The following GATAD2B variants were observed in gnomAD, a reference collection of about 807,000 sequenced individuals.
GATAD2B encodes GATA zinc finger domain containing 2B, also known as transcriptional repressor p66-beta.
Under a neutral mutation model 64.3 loss-of-function variants are expected in GATAD2B, and 8 were observed. That is an observed-to-expected ratio of 0.12 (90% CI 0.07 to 0.22). GATAD2B has a LOEUF of 0.22. Ranked by LOEUF, GATAD2B falls within the 10% of genes least tolerant of loss-of-function variation. The pLI, the probability that GATAD2B is intolerant of heterozygous loss-of-function variation, is 1.00. For synonymous variants in GATAD2B, 281 were observed against 271.3 expected (o/e 1.04, Z -0.35); for missense variants, 453 against 752.0 (o/e 0.60, Z 4.65).
In GATAD2B at chr1:153,845,550, A is replaced by G. The variant is rs143876212; in HGVS notation, c.-1-17202T>C. Among the ~76,000 whole-genome samples the G allele has an allele frequency of 4.2e-3, 632 of 151,936 alleles. 4 individuals carry two copies. The highest frequency in any genetic ancestry group is 0.014 in the African/African-American group (600 of 41,434). ...CCCATGAGCTCAGGAGTTCAAGACC[A>G]GCCTGGGCAACATGACAAAACCCCA... is the stretch of plus-strand genomic sequence containing the variant. On this transcript the variant is annotated intron_variant, in intron 1 of 10. Coordinates refer to ENST00000368655, the MANE Select transcript of GATAD2B (RefSeq NM_020699.4).
chr1:153,909,188 G>C (rs530552468), intron 1 of GATAD2B, among the ~76,000 whole-genome samples: 1 of 152,124 alleles, frequency 6.6e-6, no homozygotes, highest in Admixed American at 6.6e-5. Flanking sequence ...CTGGGCAAGA[G>C]AGCAAAATCT....
At chr1:153,880,364 G>A (rs969759445) in intron 1 of GATAD2B, among the ~76,000 whole-genome samples, 2 of 151,982 alleles carry the variant, frequency 1.3e-5, no homozygotes, top group African/African-American at 2.4e-5. Flanking sequence ...CTTCTCGGGA[G>A]GCAGAGGCAC....
chr1:153,818,875 A>G lies in GATAD2B; in HGVS notation c.513T>C (p.Asp171=). ...GTCGGGCTTCTTCCAATCGTAGCTC[A>G]TCCCTCAGCTGCTTGATAAGCTGCT... ...ERQQLIKQLR[D]ELRLEEARLV... is the part of the protein sequence containing the mutation. Residue 171 remains aspartate (D), a synonymous_variant, in exon 4 of 11, where the codon GAT becomes GAC. Transcript: ENST00000368655. The G allele has an allele frequency of 6.2e-7, 1 of 1,611,526 alleles. No homozygotes were observed. Among genetic ancestry groups the G allele is most frequent in the South Asian group, 1.1e-5 (1 of 91,060 alleles).
intron 1 of GATAD2B, among the ~76,000 whole-genome samples, chr1:153,851,535 A>G (rs964253793): frequency 6.6e-6 from 1 of 152,084 alleles, no homozygotes; most frequent in Non-Finnish European, 1.5e-5. Flanking sequence ...GATGATTAGC[A>G]ATGTTGAGCA....
intron 1 of GATAD2B, among the ~76,000 whole-genome samples, chr1:153,913,278 T>C (rs924379275): frequency 2.6e-5 from 4 of 152,050 alleles, no homozygotes; most frequent in Admixed American, 6.6e-5. Flanking sequence ...ACATATAAAC[T>C]TTTAAAGGAC....
In GATAD2B at chr1:153,902,257, G is replaced by C. The variant is rs540254308; in HGVS notation, c.-2+20476C>G. On this transcript the variant is annotated intron_variant, in intron 1 of 10. Transcript: ENST00000368655. ...GATTGCGCCACTGCGCTCCAGCCTG[G>C]GCAACAAGAGCGAAACTCCATCTCA... Among the ~76,000 whole-genome samples the C allele has an allele frequency of 1.6e-3, 243 of 151,912 alleles. 2 individuals are homozygous for C. Among genetic ancestry groups the C allele is most frequent in the African/African-American group, 5.2e-3 (214 of 41,422 alleles).
chr1:153,856,765 AAAAAG>A (rs1160342575), intron 1 of GATAD2B, among the ~76,000 whole-genome samples: 1 of 152,076 alleles, frequency 6.6e-6, no homozygotes, highest in Non-Finnish European at 1.5e-5. Flanking sequence ...ACTAACCAAA[AAAAAG>A]AAAGAAAGAA....
chr1:153,881,926 C>T (rs2101940420), intron 1 of GATAD2B, among the ~76,000 whole-genome samples: 1 of 152,122 alleles, frequency 6.6e-6, no homozygotes, highest in East Asian at 1.9e-4. Context: ...CTTGAGAGCC[C>T]TGCACAAACC....
At chr1:153,920,333 G>A (rs1185563312) in intron 1 of GATAD2B, among the ~76,000 whole-genome samples, 7 of 152,310 alleles carry the variant, frequency 4.6e-5, no homozygotes, top group African/African-American at 1.7e-4. Flanking sequence ...GGCAAAAAAA[G>A]GGGAGAAGGG....
chr1:153,855,903 G>A (rs58962440), intron 1 of GATAD2B, among the ~76,000 whole-genome samples: 4,791 of 151,890 alleles, frequency 0.032, 254 homozygotes, highest in African/African-American at 0.11. Context: ...GGCTGGTCTC[G>A]AACTCCTGGC....
chr1:153,839,108 CAAAAAAAAAAA>C lies in GATAD2B; in HGVS notation c.-1-10771_-1-10761del, dbSNP rs35262137. On this transcript the variant is annotated intron_variant, in intron 1 of 10. Coordinates refer to ENST00000368655, the MANE Select transcript of GATAD2B (RefSeq NM_020699.4). ...TGGGTGACAGAACGAGACCCTGTCTCAAAAAAAAAAAAAAAAAAAAAAAAAAGAAAGTTTAA... is the reference window on the plus strand; with the variant it reads ...TGGGTGACAGAACGAGACCCTGTCTCAAAAAAAAAAAAAAAGAAAGTTTAA... 1.6e-3 allele frequency among the ~76,000 whole-genome samples: 127 copies of C among 78,576 alleles called. 2 individuals carry two copies. The highest frequency in any genetic ancestry group is 5.8e-3 in the East Asian group (12 of 2,078). 51.5% of individuals were successfully genotyped at this position (78,576 alleles called of 152,430 possible).
At chr1:153,836,548 G>A (rs1457325755) in intron 1 of GATAD2B, among the ~76,000 whole-genome samples, 5 of 51,494 alleles carry the variant, frequency 9.7e-5, no homozygotes, top group Non-Finnish European at 3.4e-4. Flanking sequence ...ACTGCACCCA[G>A]CCTAAAAAAG....
chr1:153,854,774 AGAC>A (rs1163200501), intron 1 of GATAD2B, among the ~76,000 whole-genome samples: 1 of 152,226 alleles, frequency 6.6e-6, no homozygotes, highest in African/African-American at 2.4e-5. Context: ...ATAACTCCAC[AGAC>A]GACTAATTGC....
intron 1 of GATAD2B, among the ~76,000 whole-genome samples, chr1:153,851,174 C>A (rs994795385): frequency 3.3e-5 from 5 of 152,134 alleles, no homozygotes; most frequent in Non-Finnish European, 7.4e-5. Context: ...TGACTAGATA[C>A]CTCACATAAG....
intron 2 of GATAD2B, among the ~76,000 whole-genome samples, chr1:153,826,910 A>T (rs2101890340): frequency 6.6e-6 from 1 of 151,442 alleles, no homozygotes; most frequent in East Asian, 1.9e-4. Flanking sequence ...TACTGCACTC[A>T]AGACTGTGTG....
intron 1 of GATAD2B, among the ~76,000 whole-genome samples, chr1:153,910,186 C>T (rs1193173471): frequency 6.6e-6 from 1 of 152,108 alleles, no homozygotes; most frequent in East Asian, 1.9e-4. Context: ...TTCTAAAATA[C>T]TGCCTAAAAA....
rs1476462965 is a variant in GATAD2B at position 153,807,046 on chromosome 1, A to G, written c.*3131T>C. 2.0e-5 allele frequency: 3 copies of G among 152,202 alleles called. No individual in the cohort carries two copies. The highest frequency in any genetic ancestry group is 1.3e-4 in the Admixed American group (2 of 15,282). The allele number at this position is 152,202 out of a possible 1,614,324, so 9.4% of individuals were successfully genotyped here. A position where few individuals can be genotyped will look rare whatever the true frequency, so the allele number is the denominator to read the frequency against. ...AGTTCAGATGCTGTGGTCAAATTATAAAATAAAATCGACAAATAAGAACCT... is the reference window on the plus strand; with the variant it reads ...AGTTCAGATGCTGTGGTCAAATTATGAAATAAAATCGACAAATAAGAACCT... On this transcript the variant is annotated 3_prime_UTR_variant, in exon 11 of 11. Coordinates refer to ENST00000368655, the MANE Select transcript of GATAD2B (RefSeq NM_020699.4).
intron 1 of GATAD2B, among the ~76,000 whole-genome samples, chr1:153,828,702 G>C (rs1316333208): frequency 6.7e-6 from 1 of 150,200 alleles, no homozygotes; most frequent in Non-Finnish European, 1.5e-5. Flanking sequence ...GGGTACATGT[G>C]CAGGTTTGTT....
rs1674470012 is a variant in GATAD2B at position 153,816,059 on chromosome 1, A to ACACACACACAC, written c.1216+213_1216+214insGTGTGTGTGTG. Among the ~76,000 whole-genome samples, 2 of 141,792 alleles carry ACACACACACAC rather than the reference A, an allele frequency of 1.4e-5. No homozygotes were observed. The highest frequency in any genetic ancestry group is 3.0e-5 in the Non-Finnish European group (2 of 65,840). 93.0% of individuals were successfully genotyped at this position (141,792 alleles called of 152,430 possible). Reference sequence around the variant, plus strand: ...CAGAGCGAGACTGCATCTCAAACAAAACACACACACACACACACACACACA... The same window carrying ACACACACACAC: ...CAGAGCGAGACTGCATCTCAAACAAACACACACACACACACACACACACACACACACACACA... On this transcript the variant is annotated intron_variant, in intron 7 of 10. Transcript: ENST00000368655. The surrounding 1 kb of genome is among the most constrained non-coding windows in gnomAD (Gnocchi z 4.9).
Sources: gnomAD v4.1 joint callset for allele counts (sites outside exome capture counted in the v4.1 genomes callset) on GRCh38, gnomAD v4.1.1 for gene constraint, Gnocchi (gnomAD v3.1) non-coding constraint, MANE v1.5 for transcripts, NCBI Gene and HGNC (gene_info 2026-07-23, HGNC 2026-07-21) for gene names.